ROBO2: variants seen among roughly 807,000 people sequenced by gnomAD.
ROBO2 encodes the protein roundabout homolog 2.
In ROBO2, 53 loss-of-function variants were observed where a neutral mutation model predicts 160.8. The observed-to-expected ratio is 0.33, with a 90% CI of 0.26 to 0.41. ROBO2 has a LOEUF of 0.41. Ranked by LOEUF, ROBO2 falls within the 10% of genes least tolerant of loss-of-function variation. The pLI is 1.00. For synonymous variants in ROBO2, 664 were observed against 611.7 expected (o/e 1.09, Z -1.26); for missense variants, 1,577 against 1,722.4 (o/e 0.92, Z 1.49).
At chr3:75,959,757 G>C (rs1485100362) in intron 2 of ROBO2, among the ~76,000 whole-genome samples, 1 of 151,446 alleles carries the variant, frequency 6.6e-6, no homozygotes, top group East Asian at 2.0e-4. Flanking sequence ...ATATTTTAAA[G>C]TTACTTACTT....
chr3:76,382,591 A>G (rs1385642217), intron 2 of ROBO2, among the ~76,000 whole-genome samples: 1 of 152,234 alleles, frequency 6.6e-6, no homozygotes. Flanking sequence ...CGTCTCAAAA[A>G]CAAACAAACA....
intron 2 of ROBO2, among the ~76,000 whole-genome samples, chr3:76,325,421 AG>A (rs2072930788): frequency 6.6e-6 from 1 of 152,196 alleles, no homozygotes; most frequent in Admixed American, 6.5e-5. Context: ...GTCTGATTAT[AG>A]CATTATTCCT....
intron 2 of ROBO2, among the ~76,000 whole-genome samples, chr3:76,921,469 G>T (rs940748382): frequency 3.9e-5 from 6 of 152,144 alleles, no homozygotes; most frequent in Admixed American, 3.3e-4. Flanking sequence ...AAAATTAGCT[G>T]GGCGTGGTGA....
chr3:76,000,182 A>G (rs929804224), intron 2 of ROBO2, among the ~76,000 whole-genome samples: 8 of 152,118 alleles, frequency 5.3e-5, no homozygotes, highest in African/African-American at 1.7e-4. Context: ...GTCATAATCT[A>G]TATATTTTGC....
chr3:76,004,278 C>G (rs2065962785), intron 2 of ROBO2, among the ~76,000 whole-genome samples: 1 of 152,068 alleles, frequency 6.6e-6, no homozygotes, highest in Non-Finnish European at 1.5e-5. Flanking sequence ...AAAAAACAAT[C>G]AAGGCTACAT....
chr3:76,925,380 T>A (rs1407265202), intron 2 of ROBO2, among the ~76,000 whole-genome samples: 1 of 152,160 alleles, frequency 6.6e-6, no homozygotes, highest in Admixed American at 6.5e-5. Flanking sequence ...AGATATTAAG[T>A]CTTTGGAAAA....
rs114668103 is a variant in ROBO2 at position 75,978,871 on chromosome 3, G to C, written c.109+41269G>C. ...TTGAGTATCACTGGAATGGAGCGAA[G>C]TACATGTAGGATGGGGCATGAGTAA... is the stretch of plus-strand genomic sequence containing the variant. On this transcript the variant is annotated intron_variant, in intron 2 of 26. Transcript: ENST00000487694. Among the ~76,000 whole-genome samples, 1,120 of 151,670 alleles carry C rather than the reference G, an allele frequency of 7.4e-3. 6 individuals are homozygous for C. The highest frequency in any genetic ancestry group is 0.013 in the South Asian group (61 of 4,824).
intron 2 of ROBO2, among the ~76,000 whole-genome samples, chr3:76,022,087 A>C (rs2107666827): frequency 6.6e-6 from 1 of 151,928 alleles, no homozygotes; most frequent in African/African-American, 2.4e-5. Context: ...AGTAGTTTCT[A>C]TCTCAAGGAA....
chr3:75,975,484 G>T (rs1489103), intron 2 of ROBO2, among the ~76,000 whole-genome samples: 37,434 of 151,002 alleles, frequency 0.25, 5,631 homozygotes, highest in East Asian at 0.36. Flanking sequence ...ATATATTTCA[G>T]TTAGTCTCTG....
intron 1 of ROBO2, among the ~76,000 whole-genome samples, chr3:77,054,256 G>T (rs2065498980): frequency 6.6e-6 from 1 of 152,130 alleles, no homozygotes; most frequent in Non-Finnish European, 1.5e-5. Context: ...TCAGTATACA[G>T]CAAAGCCCAT....
At chr3:77,100,768 G>T (rs1473602994) in intron 2 of ROBO2, among the ~76,000 whole-genome samples, 3 of 152,016 alleles carry the variant, frequency 2.0e-5, no homozygotes, top group Admixed American at 2.0e-4. Flanking sequence ...AAACAATAAA[G>T]CCTATTATAA....
chr3:77,407,366 A>T (rs375519268), intron 2 of ROBO2, among the ~76,000 whole-genome samples: 5 of 152,168 alleles, frequency 3.3e-5, no homozygotes, highest in African/African-American at 1.2e-4. Flanking sequence ...TGATCTTATA[A>T]ACAAATATCA....
At chr3:77,620,315 CA>C (rs2094874848) in intron 22 of ROBO2, among the ~76,000 whole-genome samples, 1 of 152,210 alleles carries the variant, frequency 6.6e-6, no homozygotes. Context: ...AAGTAAACAG[CA>C]CAGTGCCTGT....
chr3:76,158,523 T>C (rs2072497923), intron 2 of ROBO2, among the ~76,000 whole-genome samples: 1 of 152,184 alleles, frequency 6.6e-6, no homozygotes, highest in Non-Finnish European at 1.5e-5. Context: ...TTGAGTCTAT[T>C]TGATACATAA....
chr3:76,265,582 G>A (rs1393022371), intron 2 of ROBO2, among the ~76,000 whole-genome samples: 1 of 152,028 alleles, frequency 6.6e-6, no homozygotes, highest in Non-Finnish European at 1.5e-5. Context: ...AAATGTTTTT[G>A]TATTGTAAAC....
At chr3:75,937,206 T>G (rs1947822427) in intron 1 of ROBO2, among the ~76,000 whole-genome samples, 1 of 152,150 alleles carries the variant, frequency 6.6e-6, no homozygotes. Flanking sequence ...TGGGAGTACT[T>G]TTTAACATTC....
intron 1 of ROBO2, among the ~76,000 whole-genome samples, chr3:77,045,183 A>G (rs960808693): frequency 2.0e-5 from 3 of 152,166 alleles, no homozygotes; most frequent in Admixed American, 6.5e-5. Flanking sequence ...AAAAATAAAT[A>G]CCTATCAACT....
intron 2 of ROBO2, among the ~76,000 whole-genome samples, chr3:77,363,917 G>C (rs2070441185): frequency 1.3e-5 from 2 of 152,058 alleles, no homozygotes; most frequent in Admixed American, 1.3e-4. Flanking sequence ...CTGGGAGAAG[G>C]GCAGACAGAG....
At position 77,622,152 on chromosome 3, in the gene ROBO2, G is replaced by A; in HGVS notation, c.3555-75G>A. On this transcript the variant is annotated intron_variant, in intron 22 of 25. Transcript: ENST00000461745. ...AAGACAGTATGAGTTACTATAGCAT[G>A]CATTTAATTAAAATTATGATTTTGT... 5 of 1,285,310 alleles carry A rather than the reference G, an allele frequency of 3.9e-6. No homozygotes were observed. The East Asian group carries it at 9.4e-5, about 24-fold the overall frequency. The allele number at this position is 1,285,310 out of a possible 1,614,324, so 79.6% of individuals were successfully genotyped here. A position where few individuals can be genotyped will look rare whatever the true frequency, so the allele number is the denominator to read the frequency against.
Sources: gnomAD v4.1 joint callset for allele counts (sites outside exome capture counted in the v4.1 genomes callset) on GRCh38, gnomAD v4.1.1 for gene constraint, MANE v1.5 for transcripts, NCBI Gene and HGNC (gene_info 2026-07-23, HGNC 2026-07-21) for gene names.